FANCD2: variants seen among roughly 807,000 people sequenced by gnomAD.
FANCD2 encodes FA complementation group D2, also known as Fanconi anemia group D2 protein.
In FANCD2, 131 loss-of-function variants were observed where a neutral mutation model predicts 192.3. The ratio of observed to expected loss-of-function variants is 0.68; its 90% CI spans 0.59 to 0.79. FANCD2 has a LOEUF of 0.79. Among genes scored for constraint, FANCD2 ranks in the 30% least tolerant of loss-of-function variants. The probability of loss-of-function intolerance (pLI) is 0.00; values close to 1 mark genes in which losing one functional copy is unlikely to be tolerated. For synonymous variants in FANCD2, 524 were observed against 612.5 expected (o/e 0.86, Z 2.13); for missense variants, 1,508 against 1,701.6 (o/e 0.89, Z 2.00).
intron 17 of FANCD2, among the ~76,000 whole-genome samples, chr3:10,052,089 T>A (rs1203639753): frequency 6.6e-6 from 1 of 152,042 alleles, no homozygotes; most frequent in East Asian, 1.9e-4. Context: ...AGCCCAGGAT[T>A]GTGGTTCAGA....
intron 32 of FANCD2, among the ~76,000 whole-genome samples, chr3:10,084,592 AC>A (rs1694067224): frequency 6.6e-6 from 1 of 152,108 alleles, no homozygotes; most frequent in Non-Finnish European, 1.5e-5. Flanking sequence ...GAGCCACCAT[AC>A]CTGGCCCAAA....
At chr3:10,074,462 GT>G in intron 28 of FANCD2, 67 bp from the exon 29 acceptor site, 1 of 1,426,446 alleles carries the variant, frequency 7.0e-7, no homozygotes, top group Non-Finnish European at 9.6e-7. Context: ...GTACTTTGAA[GT>G]TTTTATTAAA....
At chr3:10,051,624 G>C (rs1413560615) in intron 17 of FANCD2, among the ~76,000 whole-genome samples, 1 of 152,128 alleles carries the variant, frequency 6.6e-6, no homozygotes, top group Non-Finnish European at 1.5e-5. Flanking sequence ...AATAAAAAAA[G>C]TAGCTTGAGA....
At chr3:10,059,865 A>G (rs2087514612) in intron 18 of FANCD2, among the ~76,000 whole-genome samples, 1 of 151,892 alleles carries the variant, frequency 6.6e-6, no homozygotes, top group Admixed American at 6.6e-5. Flanking sequence ...TGGAGAGATG[A>G]ATTGACTTGC....
intron 30 of FANCD2, among the ~76,000 whole-genome samples, chr3:10,080,305 C>T (rs1373027178): frequency 2.0e-5 from 3 of 152,156 alleles, no homozygotes; most frequent in Non-Finnish European, 2.9e-5. Flanking sequence ...ACAATCTTGG[C>T]TCACTGCAAC....
At position 10,088,505 on chromosome 3, in the gene FANCD2, A is replaced by G. The variant is rs1267974483; in HGVS notation, c.3523A>G (p.Ser1175Gly). The change falls in exon 35 of 44, where the codon AGC becomes GGC. Residue 1175 changes from serine to glycine, a missense_variant. Physicochemically the swap from Ser to Gly is moderately conservative, Grantham distance 56 (BLOSUM62 0). Transcript: ENST00000675286. Reference protein sequence around the residue: ...RVWPSGDKEKSNISNDQLHAL... With the variant: ...RVWPSGDKEKGNISNDQLHAL... ...GTGGCCAAGTGGGGATAAAGAGAAGAGCAACATCTCTAATGACCAGCTCCA... is the reference window on the plus strand; with the variant it reads ...GTGGCCAAGTGGGGATAAAGAGAAGGGCAACATCTCTAATGACCAGCTCCA... The G allele has an allele frequency of 3.0e-5, 49 of 1,611,130 alleles. No individual in the cohort carries two copies. Among genetic ancestry groups the G allele is most frequent in the Non-Finnish European group, 4.2e-5 (49 of 1,177,354 alleles).
intron 18 of FANCD2, among the ~76,000 whole-genome samples, chr3:10,054,044 C>G (rs1351389415): frequency 6.6e-6 from 1 of 151,826 alleles, no homozygotes; most frequent in African/African-American, 2.4e-5. Context: ...AACCCCATCT[C>G]TACAAAAACA....
intron 29 of FANCD2, 152 bp downstream of exon 29, chr3:10,074,825 C>T (rs1019095056): frequency 7.5e-6 from 5 of 665,932 alleles, no homozygotes; most frequent in Non-Finnish European, 1.3e-5. Context: ...GAATAATCAT[C>T]CTCATACTGG....
chr3:10,028,496 T>G, intron 1 of FANCD2, 129 bp from the exon 2 acceptor site: 1 of 678,382 alleles, frequency 1.5e-6, no homozygotes, highest in South Asian at 1.7e-5. Flanking sequence ...GCACCTAGGT[T>G]TAGGTAGCAT....
chr3:10,081,658 T>G, intron 32 of FANCD2, 194 bp downstream of exon 32: 1 of 621,970 alleles, frequency 1.6e-6, no homozygotes, highest in Non-Finnish European at 2.9e-6. Context: ...TTGGAGCCAC[T>G]ATGTTAACCC....
chr3:10,069,004 C>A (rs1372984578), intron 26 of FANCD2, among the ~76,000 whole-genome samples: 1 of 152,176 alleles, frequency 6.6e-6, no homozygotes. Context: ...GGATTATAGA[C>A]TTAAATCTAA....
chr3:10,051,244 A>G (rs1229890519), intron 17 of FANCD2, among the ~76,000 whole-genome samples: 2 of 142,238 alleles, frequency 1.4e-5, no homozygotes, highest in Admixed American at 7.0e-5. Context: ...AGCCGGGCGT[A>G]GTGGTGGGCG....
Position 10,093,418 on chromosome 3 carries a change from C to T in FANCD2, c.3888+95C>T, listed in dbSNP as rs534439949. On this transcript the variant is annotated intron_variant, in intron 39 of 43. Coordinates refer to ENST00000675286, the MANE Select transcript of FANCD2 (RefSeq NM_001018115.3). ...GAGATAAATTGCTCAATTTCTTGCC[C>T]ACAAGCCAGAGTTTCCAGAATCTAT... 4.8e-4 allele frequency: 517 copies of T among 1,076,818 alleles called. 1 individual carries two copies. Among genetic ancestry groups the T allele is most frequent in the Non-Finnish European group, 7.1e-4 (489 of 690,556 alleles). The allele number at this position is 1,076,818 out of a possible 1,614,324, so 66.7% of individuals were successfully genotyped here. A position where few individuals can be genotyped will look rare whatever the true frequency, so the allele number is the denominator to read the frequency against.
In FANCD2 at chr3:10,072,885, G is replaced by A; in HGVS notation, c.2509G>A (p.Val837Ile). The A allele has an allele frequency of 6.3e-7, 1 of 1,599,836 alleles. No homozygotes were observed. Among genetic ancestry groups the A allele is most frequent in the East Asian group, 2.2e-5 (1 of 44,772 alleles). The change falls in exon 27 of 44, where the codon GTC becomes ATC. Residue 837 changes from valine (V) to isoleucine (I), a missense_variant. Around this residue, in one of 5 missense-constraint regions of FANCD2, gnomAD observed 796 missense variants for 879.4 expected, o/e 0.91. Coordinates refer to ENST00000675286, the MANE Select transcript of FANCD2 (RefSeq NM_001018115.3). ...EKYLAVTPDY[V>I]PPLGNFDVET... ...GTTTGTTTCAGTCACCCCAGACTAT[G>A]TCCCTCCTCTTGGAAACTTTGATGT...
chr3:10,050,637 A>C (rs1392392192), intron 17 of FANCD2, among the ~76,000 whole-genome samples: 1 of 151,716 alleles, frequency 6.6e-6, no homozygotes, highest in Non-Finnish European at 1.5e-5. Flanking sequence ...AAAAAAAAAA[A>C]AAAAAAGGCT....
chr3:10,033,137 G>A (rs908183131), intron 3 of FANCD2, among the ~76,000 whole-genome samples, 165 bp downstream of exon 3: 2 of 152,130 alleles, frequency 1.3e-5, no homozygotes, highest in African/African-American at 2.4e-5. Context: ...CAGGCCGGGC[G>A]CGGTGGCTCA....
chr3:10,054,147 G>A (rs943950804), intron 18 of FANCD2, among the ~76,000 whole-genome samples: 5 of 151,456 alleles, frequency 3.3e-5, no homozygotes, highest in African/African-American at 9.7e-5. Flanking sequence ...AGGAAGTTGA[G>A]GCTACAGTAA....
intron 6 of FANCD2, 107 bp from the exon 7 acceptor site, chr3:10,036,180 C>G: frequency 2.3e-6 from 2 of 851,860 alleles, no homozygotes; most frequent in Non-Finnish European, 3.9e-6. Flanking sequence ...TCTGCCTTCC[C>G]CAGGTCCAAG....
chr3:10,026,491 TG>T lies in FANCD2; in HGVS notation c.-34+20del. The T allele has an allele frequency of 3.9e-6, 2 of 511,038 alleles. No individual in the cohort carries two copies. Among genetic ancestry groups the T allele is most frequent in the African/African-American group, 2.1e-5 (1 of 48,666 alleles). 31.7% of individuals were successfully genotyped at this position (511,038 alleles called of 1,614,324 possible). A position where few individuals can be genotyped will look rare whatever the true frequency, so the allele number is the denominator to read the frequency against. On this transcript the variant is annotated intron_variant, in intron 1 of 43. Transcript: ENST00000675286. ...GCTTCTCGGTGAGTAAGTGGAGCAA[TG>T]GTCGTAGTCTCTCGAGGCCCCGCTC...
Sources: gnomAD v4.1 joint callset for allele counts (sites outside exome capture counted in the v4.1 genomes callset) on GRCh38, gnomAD v4.1.1 for gene constraint, gnomAD v4.1.1 regional missense constraint, MANE v1.5 for transcripts, NCBI Gene and HGNC (gene_info 2026-07-23, HGNC 2026-07-21) for gene names.